Variants in DMD observed in about 807,000 individuals in gnomAD.
DMD encodes dystrophin, also known as mutant dystrophin.
A neutral mutation model predicts 330.1 loss-of-function variants in DMD; 63 were observed. That is an observed-to-expected ratio of 0.19 (90% CI 0.16 to 0.24). The LOEUF (loss-of-function observed/expected upper bound fraction) is 0.24. Among genes scored for constraint, DMD ranks in the 10% least tolerant of loss-of-function variants. The pLI, the probability that DMD is intolerant of heterozygous loss-of-function variation, is 1.00. For synonymous variants in DMD, 1,223 were observed against 959.8 expected, an observed-to-expected ratio of 1.27 and a Z score of -5.07; for missense variants, 3,344 against 2,684.1, an observed-to-expected ratio of 1.25 and a Z score of -5.43.
At chrX:31,652,399 T>C (rs756255885) in intron 54 of DMD, among the ~76,000 whole-genome samples, 3 of 111,831 alleles carry the variant, frequency 2.7e-5, no homozygotes, top group Non-Finnish European at 5.6e-5. Flanking sequence ...TCCAAGAATA[T>C]AAGCTTTATG....
chrX:32,663,904 C>T (rs965543374), intron 9 of DMD, among the ~76,000 whole-genome samples: 20 of 110,941 alleles, frequency 1.8e-4, no homozygotes, highest in African/African-American at 6.6e-4. Flanking sequence ...GAATGAGAGA[C>T]GGTAACAACG....
intron 5 of DMD, among the ~76,000 whole-genome samples, 170 bp downstream of exon 5, chrX:32,823,125 G>T (rs754387736): frequency 9.0e-6 from 1 of 111,498 alleles, no homozygotes; most frequent in Non-Finnish European, 1.9e-5. Flanking sequence ...ATTTTATACC[G>T]TGATGATCCT....
At chrX:31,510,257 T>C (rs1344480217) in intron 55 of DMD, among the ~76,000 whole-genome samples, 1 of 111,502 alleles carries the variant, frequency 9.0e-6, no homozygotes. Context: ...CTGATAAGTG[T>C]TAGAACTGGG....
chrX:32,746,383 T>C (rs141268226), intron 7 of DMD, among the ~76,000 whole-genome samples: 1 of 111,802 alleles, frequency 8.9e-6, no homozygotes, highest in Non-Finnish European at 1.9e-5. Context: ...CTCACACAGA[T>C]CCTTAATTTT....
intron 6 of DMD, among the ~76,000 whole-genome samples, chrX:32,810,597 A>G (rs2077298658): frequency 8.9e-6 from 1 of 112,286 alleles, no homozygotes; most frequent in Admixed American, 9.5e-5. Flanking sequence ...TTCAAAATGT[A>G]TTCAGAATTT....
intron 4 of DMD, among the ~76,000 whole-genome samples, chrX:32,837,211 G>A (rs905567404): frequency 1.8e-5 from 2 of 111,654 alleles, no homozygotes; most frequent in Non-Finnish European, 3.8e-5. Flanking sequence ...CGATTATACC[G>A]TTTTCCACTC....
chrX:31,177,889 T>A, intron 71 of DMD, 43 bp downstream of exon 71: 2 of 1,093,833 alleles, frequency 1.8e-6, no homozygotes, highest in Non-Finnish European at 2.5e-6. Flanking sequence ...AGCGAGCGAA[T>A]GTGTTGGTGG....
At chrX:31,411,569 T>G (rs2061647014) in intron 60 of DMD, among the ~76,000 whole-genome samples, 1 of 111,815 alleles carries the variant, frequency 8.9e-6, no homozygotes, top group Non-Finnish European at 1.9e-5. Flanking sequence ...CAAACAGCCC[T>G]TGAGAACCAA....
At chrX:31,473,444 G>A (rs745597827) in intron 59 of DMD, among the ~76,000 whole-genome samples, 1 of 108,440 alleles carries the variant, frequency 9.2e-6, no homozygotes, top group Non-Finnish European at 1.9e-5. Context: ...CAATCTGGCC[G>A]GGAGCGGTGG....
chrX:31,564,507 G>C (rs2075366190), intron 55 of DMD, among the ~76,000 whole-genome samples: 1 of 111,563 alleles, frequency 9.0e-6, no homozygotes, highest in Non-Finnish European at 1.9e-5. Flanking sequence ...TGGTGGGTAG[G>C]GGAATTGATT....
chrX:31,969,410 A>T (rs1286310006), intron 44 of DMD, among the ~76,000 whole-genome samples: 1 of 112,016 alleles, frequency 8.9e-6, no homozygotes, highest in Non-Finnish European at 1.9e-5. Context: ...AACCTTAGAA[A>T]ATGAAATAAT....
chrX:31,611,106 G>T (rs1159119717), intron 55 of DMD, among the ~76,000 whole-genome samples: 1 of 106,248 alleles, frequency 9.4e-6, no homozygotes, highest in African/African-American at 3.5e-5. Context: ...TCAAATTTCA[G>T]AGCTGAAAGG....
chrX:31,679,598 G>A lies in DMD; in HGVS notation c.7661-12C>T. On this transcript the variant is annotated splice_polypyrimidine_tract_variant and intron_variant, in intron 52 of 78. Coordinates refer to ENST00000357033, the MANE Select transcript of DMD (RefSeq NM_004006.3). ...CTGAATTCTTTCAACTAGAATAAAA[G>A]GAAAAATAAATATATAGTAGTAAAT... 8.4e-7 allele frequency: 1 copy of A among 1,186,810 alleles called. No individual in the cohort carries two copies. Among genetic ancestry groups the A allele is most frequent in the South Asian group, 1.8e-5 (1 of 56,382 alleles).
chrX:31,685,620 A>G lies in DMD; in HGVS notation c.7661-6034T>C, dbSNP rs1426596131. ...AAGGCAAGGACAGAATCTGTAGAAG[A>G]TGCTGTCAGGGCCCATCTATCTGCC... On this transcript the variant is annotated intron_variant, in intron 52 of 78. Transcript: ENST00000357033. Among the ~76,000 whole-genome samples, 16 of 112,467 alleles carry G rather than the reference A, an allele frequency of 1.4e-4. No individual in the cohort carries two copies. In the Admixed American group the frequency reaches 1.5e-3, roughly 11 times the overall value.
chrX:32,282,849 C>T (rs762089751), intron 43 of DMD, among the ~76,000 whole-genome samples: 49 of 112,195 alleles, frequency 4.4e-4, no homozygotes, highest in African/African-American at 1.4e-3. Flanking sequence ...ACCACTAAGG[C>T]ATTTTCTAGC....
chrX:31,548,407 C>T (rs998712282), intron 55 of DMD, among the ~76,000 whole-genome samples: 5 of 111,174 alleles, frequency 4.5e-5, no homozygotes, highest in African/African-American at 6.6e-5. Flanking sequence ...GATTCCTCAA[C>T]TCCCAAGCTC....
intron 43 of DMD, among the ~76,000 whole-genome samples, chrX:32,224,993 C>G (rs970074538): frequency 5.4e-5 from 6 of 111,844 alleles, no homozygotes; most frequent in African/African-American, 1.9e-4. Flanking sequence ...CCTAAAGTGA[C>G]CTCTTTCCCA....
rs376498825 is a variant in DMD, at chrX:33,242,231, C to A, written c.7+97028G>T. Among the ~76,000 whole-genome samples the A allele has an allele frequency of 4.5e-5, 5 of 111,339 alleles. No homozygotes were observed. The South Asian group carries it at 1.9e-3, about 42-fold the overall frequency. On this transcript the variant is annotated intron_variant, in intron 1 of 17. Coordinates refer to the DMD transcript ENST00000288447. ...ATCACCCAAGCAGTATACACAGCAC[C>A]GTATTTGTAGTCTTTTATCCCTTGC...
At chrX:32,538,151 T>G (rs757674915) in intron 17 of DMD, among the ~76,000 whole-genome samples, 147 of 112,405 alleles carry the variant, frequency 1.3e-3, no homozygotes, top group African/African-American at 4.5e-3. Context: ...CAGGAATAGA[T>G]GGCCCCTGTC....
Sources: gnomAD v4.1 joint callset for allele counts (sites outside exome capture counted in the v4.1 genomes callset) on GRCh38, gnomAD v4.1.1 for gene constraint, MANE v1.5 for transcripts, NCBI Gene and HGNC (gene_info 2026-07-23, HGNC 2026-07-21) for gene names.